Variants in NEBL observed in about 807,000 individuals in gnomAD.
NEBL encodes LIM and SH3 protein 2.
Under a neutral mutation model 140.2 loss-of-function variants are expected in NEBL, and 122 were observed. That is an observed-to-expected ratio of 0.87 (90% CI 0.75 to 1.01). The LOEUF (loss-of-function observed/expected upper bound fraction) is 1.01. Among genes scored for constraint, NEBL ranks in the 50% least tolerant of loss-of-function variants. The pLI, the probability that NEBL is intolerant of heterozygous loss-of-function variation, is 0.00. For missense variants in NEBL, 1,365 were observed against 1,231.3 expected (o/e 1.11, Z -1.62); for synonymous variants, 436 against 398.9 (o/e 1.09, Z -1.11).
intron 17 of NEBL, among the ~76,000 whole-genome samples, chr10:20,828,002 A>T (rs900599625): frequency 6.6e-6 from 1 of 152,072 alleles, no homozygotes; most frequent in Non-Finnish European, 1.5e-5. Context: ...TGACAAAATA[A>T]TCGTACAACA....
intron 2 of NEBL, among the ~76,000 whole-genome samples, chr10:20,896,483 C>CATATATATATAT (rs57289458): frequency 0.05 from 4,361 of 86,954 alleles, 464 homozygotes; most frequent in Non-Finnish European, 0.06. Flanking sequence ...ATATTATATG[C>CATATATATATAT]ATATATATAT....
At position 20,819,576 on chromosome 10, in the gene NEBL, T is replaced by A. The variant is rs71578950; in HGVS notation, c.1963-60A>T. 4.4e-6 allele frequency: 7 copies of A among 1,590,974 alleles called. No individual in the cohort carries two copies. In the South Asian group the frequency reaches 7.7e-5, roughly 18 times the overall value. On this transcript the variant is annotated intron_variant, in intron 19 of 27. Coordinates refer to ENST00000377122, the MANE Select transcript of NEBL (RefSeq NM_006393.3). ...GGGAAATAAATACGTCCCAAAACAT[T>A]GCAACAGATTTTTTTTAAATGTCAC...
chr10:21,144,577 T>C (rs1344044642), intron 2 of NEBL, among the ~76,000 whole-genome samples: 1 of 151,822 alleles, frequency 6.6e-6, no homozygotes, highest in East Asian at 1.9e-4. Flanking sequence ...AATACAAAAA[T>C]AAGCCAGGTG....
intron 4 of NEBL, among the ~76,000 whole-genome samples, chr10:20,939,668 G>A (rs1834732375): frequency 6.6e-6 from 1 of 151,998 alleles, no homozygotes; most frequent in Non-Finnish European, 1.5e-5. Flanking sequence ...AGACCCATCC[G>A]TGTGCTGTAT....
chr10:20,978,511 C>T (rs1400295925), intron 3 of NEBL, among the ~76,000 whole-genome samples: 1 of 151,776 alleles, frequency 6.6e-6, no homozygotes, highest in South Asian at 2.1e-4. Context: ...AATTTCAGTG[C>T]TTTCAGAGGC....
rs113848122 is a variant in NEBL, at chr10:21,112,615, G to A, written c.164+59768C>T. On this transcript the variant is annotated intron_variant, in intron 2 of 6. Coordinates refer to the NEBL transcript ENST00000417816. The stretch of plus-strand genomic sequence containing the variant: ...GGGGTGGGGGACTGGGGGAGGGATA[G>A]CATTAGGAAAATACCTAATGTAAAT... Among the ~76,000 whole-genome samples, 19 of 151,940 alleles carry A rather than the reference G, an allele frequency of 1.3e-4. 1 individual carries two copies. The highest frequency in any genetic ancestry group is 4.6e-4 in the African/African-American group (19 of 41,442).
chr10:20,880,037 A>T (rs1845869632), intron 5 of NEBL, among the ~76,000 whole-genome samples: 1 of 152,174 alleles, frequency 6.6e-6, no homozygotes, highest in African/African-American at 2.4e-5. Flanking sequence ...CATGGGTCTT[A>T]GGTTGGACCA....
chr10:21,254,233 G>A (rs914217271), intron 1 of NEBL, among the ~76,000 whole-genome samples: 1 of 151,986 alleles, frequency 6.6e-6, no homozygotes, highest in Non-Finnish European at 1.5e-5. Context: ...GAACCACTGG[G>A]CTCAAGTGAT....
intron 3 of NEBL, chr10:21,020,029 G>C (rs1160686268): frequency 8.5e-7 from 1 of 1,175,910 alleles, no homozygotes; most frequent in African/African-American, 1.5e-5. Context: ...GACCCAGCAG[G>C]AACAGTACGA....
intron 3 of NEBL, among the ~76,000 whole-genome samples, chr10:20,967,131 A>T (rs974775312): frequency 1.3e-5 from 2 of 152,212 alleles, no homozygotes; most frequent in African/African-American, 4.8e-5. Flanking sequence ...AAGAGAGAGC[A>T]TCTGGAGACC....
chr10:21,172,334 C>G, intron 2 of NEBL: 1 of 1,469,990 alleles, frequency 6.8e-7, no homozygotes, highest in Non-Finnish European at 9.5e-7. Flanking sequence ...CACTGGCTCT[C>G]AAGCTCTGAG....
At chr10:20,913,722 C>A (rs1026558994) in intron 4 of NEBL, among the ~76,000 whole-genome samples, 3 of 152,114 alleles carry the variant, frequency 2.0e-5, no homozygotes, top group African/African-American at 7.2e-5. Context: ...TAATAGATTT[C>A]CCAGTATTGA....
intron 24 of NEBL, 131 bp downstream of exon 24, chr10:20,812,638 G>C: frequency 9.1e-7 from 1 of 1,095,774 alleles, no homozygotes; most frequent in Non-Finnish European, 1.4e-6. Flanking sequence ...TTTACCTGCG[G>C]TCCATTTTAA....
intron 2 of NEBL, chr10:21,112,979 CAAGTTTCCACAGAAAAAAAGT>C (rs1408172400): frequency 3.3e-6 from 1 of 306,414 alleles, no homozygotes; most frequent in Non-Finnish European, 6.1e-6. Context: ...GAAGTGGTAA[CAAGTTTCCACAGAAAAAAAGT>C]AAAACTTGCT....
intron 3 of NEBL, among the ~76,000 whole-genome samples, chr10:21,215,223 T>G (rs1234304481): frequency 6.6e-6 from 1 of 152,170 alleles, no homozygotes; most frequent in Non-Finnish European, 1.5e-5. Context: ...GCAGGAGGAT[T>G]TCTTGAGGCC....
chr10:20,968,516 T>C (rs1351829716), intron 3 of NEBL, among the ~76,000 whole-genome samples: 1 of 151,790 alleles, frequency 6.6e-6, no homozygotes, highest in Non-Finnish European at 1.5e-5. Context: ...ATCTCTAAAA[T>C]AATTAAATAC....
At chr10:20,855,615 C>T (rs986784758) in intron 9 of NEBL, among the ~76,000 whole-genome samples, 25 of 151,986 alleles carry the variant, frequency 1.6e-4, no homozygotes, top group African/African-American at 5.8e-4. Flanking sequence ...TCTCTGCTAC[C>T]TCCTAGTGGG....
chr10:20,974,540 C>T (rs182394525), intron 3 of NEBL, among the ~76,000 whole-genome samples: 6 of 152,280 alleles, frequency 3.9e-5, no homozygotes, highest in African/African-American at 1.4e-4. Context: ...TGAGCCACTG[C>T]ACCCAGCCTT....
chr10:20,925,301 G>A (rs1432593108), intron 4 of NEBL, among the ~76,000 whole-genome samples: 1 of 151,992 alleles, frequency 6.6e-6, no homozygotes, highest in Non-Finnish European at 1.5e-5. Flanking sequence ...TTTCTTTAAT[G>A]ACTGTGGAAC....
Sources: gnomAD v4.1 joint callset for allele counts (sites outside exome capture counted in the v4.1 genomes callset) on GRCh38, gnomAD v4.1.1 for gene constraint, MANE v1.5 for transcripts, NCBI Gene and HGNC (gene_info 2026-07-23, HGNC 2026-07-21) for gene names.